Variants in AGBL4 observed in about 807,000 individuals in gnomAD.
AGBL4 encodes the protein AGBL carboxypeptidase 4.
AGBL4 carries 58 observed loss-of-function variants against 66.4 expected under a neutral mutation model. The observed-to-expected ratio is 0.87, with a 90% confidence interval of 0.71 to 1.09. AGBL4 has a LOEUF of 1.09. Among genes scored for constraint, AGBL4 ranks in the 50% least tolerant of loss-of-function variants. The probability of loss-of-function intolerance (pLI) is 0.00; values close to 1 mark genes in which losing one functional copy is unlikely to be tolerated. For missense variants in AGBL4, 579 were observed against 631.0 expected (o/e 0.92, Z 0.88); for synonymous variants, 234 against 222.9 (o/e 1.05, Z -0.44).
At chr1:49,026,376 G>C (rs564149423) in intron 5 of AGBL4, among the ~76,000 whole-genome samples, 112 of 152,212 alleles carry the variant, frequency 7.4e-4, no homozygotes, top group African/African-American at 2.6e-3. Context: ...AGCTCAAGGA[G>C]CAACCAATTT....
chr1:49,480,782 C>T (rs1646939866), intron 3 of AGBL4, among the ~76,000 whole-genome samples: 2 of 151,938 alleles, frequency 1.3e-5, no homozygotes, highest in African/African-American at 4.8e-5. Context: ...TTTACATTTA[C>T]GTCTTTAATC....
chr1:49,316,160 C>T (rs537226431), intron 3 of AGBL4, among the ~76,000 whole-genome samples: 24 of 151,792 alleles, frequency 1.6e-4, no homozygotes, highest in South Asian at 4.2e-4. Flanking sequence ...GGCACTGAAA[C>T]GATTATTCTG....
chr1:49,292,665 CCT>C (rs1225806537), intron 3 of AGBL4, among the ~76,000 whole-genome samples: 5 of 152,118 alleles, frequency 3.3e-5, no homozygotes, highest in African/African-American at 9.7e-5. Flanking sequence ...TCCAGGGCCT[CCT>C]CTCTACTGAA....
intron 4 of AGBL4, among the ~76,000 whole-genome samples, chr1:49,198,761 A>G (rs1308423893): frequency 6.8e-6 from 1 of 147,952 alleles, no homozygotes; most frequent in East Asian, 2.0e-4. Flanking sequence ...TTTTTTTTCT[A>G]GTTACCTGAC....
chr1:49,562,463 T>C (rs995676687), intron 3 of AGBL4, among the ~76,000 whole-genome samples: 5 of 152,206 alleles, frequency 3.3e-5, no homozygotes, highest in Non-Finnish European at 5.9e-5. Context: ...AAGTCTTTAA[T>C]CCATCTTGAA....
intron 3 of AGBL4, among the ~76,000 whole-genome samples, chr1:49,249,369 A>G (rs1034101958): frequency 6.6e-6 from 1 of 152,170 alleles, no homozygotes; most frequent in African/African-American, 2.4e-5. Flanking sequence ...GAACTCAAAC[A>G]ACTCAATAGC....
intron 1 of AGBL4, among the ~76,000 whole-genome samples, chr1:49,909,592 T>C (rs933910418): frequency 1.3e-5 from 2 of 151,936 alleles, no homozygotes; most frequent in African/African-American, 2.4e-5. Flanking sequence ...ATTGGAGAGG[T>C]AGGGGATCAT....
In AGBL4 at chr1:49,544,630, T is replaced by C. The variant is rs142786885; in HGVS notation, c.282+152683A>G. ...TCTGCTACCATTTTAAGGTACTTTT[T>C]ATGTGCGCAGCATAATCATTTTATG... On this transcript the variant is annotated intron_variant, in intron 3 of 13. Transcript: ENST00000371839. Among the ~76,000 whole-genome samples the C allele has an allele frequency of 2.4e-4, 37 of 152,378 alleles. 1 individual carries two copies. Among genetic ancestry groups the C allele is most frequent in the African/African-American group, 8.7e-4 (36 of 41,604 alleles).
chr1:49,191,138 AG>A (rs1647110520), intron 4 of AGBL4, among the ~76,000 whole-genome samples: 1 of 152,252 alleles, frequency 6.6e-6, no homozygotes, highest in Admixed American at 6.5e-5. Flanking sequence ...TGGAATGGAA[AG>A]TTCCTTAAAC....
chr1:48,608,758 T>C (rs1367891603), intron 9 of AGBL4, among the ~76,000 whole-genome samples: 2 of 152,172 alleles, frequency 1.3e-5, no homozygotes, highest in Non-Finnish European at 2.9e-5. Context: ...TGATTTATTA[T>C]AAACTCCCTC....
In AGBL4 at chr1:48,845,863, A is replaced by G. The variant is rs151007450; in HGVS notation, c.634+21328T>C. Among the ~76,000 whole-genome samples the G allele has an allele frequency of 1.2e-4, 19 of 152,344 alleles. No homozygotes were observed. In the East Asian group the frequency reaches 3.5e-3, roughly 28 times the overall value. On this transcript the variant is annotated intron_variant, in intron 6 of 13. Coordinates refer to ENST00000371839, the MANE Select transcript of AGBL4 (RefSeq NM_032785.4). ...ATGATAACAATTATGGTATTTAATC[A>G]TATAAGTTTTTGTGAAGATTAAGTG...
intron 3 of AGBL4, among the ~76,000 whole-genome samples, chr1:49,309,392 CAA>C (rs949056433): frequency 3.3e-5 from 5 of 151,952 alleles, no homozygotes; most frequent in African/African-American, 7.3e-5. Context: ...TTCACTGTGT[CAA>C]GAGTGGCGCT....
At chr1:49,008,740 A>G (rs1445273774) in intron 5 of AGBL4, among the ~76,000 whole-genome samples, 2 of 140,980 alleles carry the variant, frequency 1.4e-5, no homozygotes, top group African/African-American at 5.3e-5. Context: ...AAACCGCTCA[A>G]CTACATGGAA....
Position 48,759,028 on chromosome 1 carries a change from C to T in AGBL4, c.635-95787G>A, listed in dbSNP as rs764364656. 6 of 1,614,022 alleles carry T rather than the reference C, an allele frequency of 3.7e-6. No homozygotes were observed. The highest frequency in any genetic ancestry group is 3.4e-6 in the Non-Finnish European group (4 of 1,179,986). On this transcript the variant is annotated intron_variant, in intron 6 of 13. Coordinates refer to ENST00000371839, the MANE Select transcript of AGBL4 (RefSeq NM_032785.4). ...CTGTTGTACCAGCTGCCTCCGAGTC[C>T]GCTCCAGCTCCTGCTGGAGGTGGCG...
chr1:49,801,872 G>A (rs72686754), intron 2 of AGBL4, among the ~76,000 whole-genome samples: 3 of 152,264 alleles, frequency 2.0e-5, no homozygotes, highest in East Asian at 1.9e-4. Flanking sequence ...TTTGAAATAC[G>A]TCTGTTATGG....
chr1:49,386,265 ATG>A (rs35497867), intron 3 of AGBL4, among the ~76,000 whole-genome samples: 89,858 of 148,274 alleles, frequency 0.61, 27,172 homozygotes, highest in Middle Eastern at 0.67. Context: ...GGATGGATGG[ATG>A]TGTGTGTGTG....
At chr1:49,102,820 T>C (rs2148004785) in intron 4 of AGBL4, among the ~76,000 whole-genome samples, 1 of 152,282 alleles carries the variant, frequency 6.6e-6, no homozygotes, top group African/African-American at 2.4e-5. Flanking sequence ...CTTGGGTCTC[T>C]TGACTCCAAG....
chr1:49,270,450 T>C (rs1304561218), intron 3 of AGBL4, among the ~76,000 whole-genome samples: 1 of 152,122 alleles, frequency 6.6e-6, no homozygotes. Flanking sequence ...ATATTTTTTT[T>C]TTTCTCAACC....
At chr1:48,731,093 G>A (rs900156266) in intron 6 of AGBL4, among the ~76,000 whole-genome samples, 1 of 152,062 alleles carries the variant, frequency 6.6e-6, no homozygotes, top group African/African-American at 2.4e-5. Context: ...TTTTTTATAT[G>A]GCAAATGTGA....
Sources: gnomAD v4.1 joint callset for allele counts (sites outside exome capture counted in the v4.1 genomes callset) on GRCh38, gnomAD v4.1.1 for gene constraint, MANE v1.5 for transcripts, NCBI Gene and HGNC (gene_info 2026-07-23, HGNC 2026-07-21) for gene names.